ELP4: variants seen among roughly 807,000 people sequenced by gnomAD.
ELP4 encodes the protein elongator complex protein 4.
ELP4 carries 51 observed loss-of-function variants against 48.9 expected under a neutral mutation model. The ratio of observed to expected loss-of-function variants is 1.04; its 90% CI spans 0.83 to 1.32. The LOEUF is 1.32. Ranked by LOEUF, ELP4 falls within the 40% of genes most tolerant of loss-of-function variation. ELP4 has a pLI of 0.00. For synonymous variants in ELP4, 210 were observed against 189.2 expected (o/e 1.11, Z -0.90); for missense variants, 519 against 514.6 (o/e 1.01, Z -0.08).
intron 9 of ELP4, among the ~76,000 whole-genome samples, chr11:31,678,234 G>T (rs1014622382): frequency 6.6e-6 from 1 of 152,004 alleles, no homozygotes; most frequent in African/African-American, 2.4e-5. Flanking sequence ...ATTGATTGAG[G>T]CCAGGAGTTT....
chr11:31,754,895 T>C (rs1222468716), intron 9 of ELP4, among the ~76,000 whole-genome samples: 2 of 152,062 alleles, frequency 1.3e-5, no homozygotes, highest in East Asian at 3.9e-4. Context: ...CTCCCTGGCC[T>C]AAAGCAATGA....
intron 3 of ELP4, among the ~76,000 whole-genome samples, chr11:31,590,551 A>G (rs894878927): frequency 6.6e-5 from 10 of 152,174 alleles, no homozygotes; most frequent in African/African-American, 2.4e-4. Context: ...AAAAGAAAGA[A>G]ACAGATAAGT....
At chr11:31,550,096 C>T (rs914813334) in intron 3 of ELP4, among the ~76,000 whole-genome samples, 8 of 150,956 alleles carry the variant, frequency 5.3e-5, no homozygotes, top group Non-Finnish European at 7.4e-5. Flanking sequence ...GTAACCTGCA[C>T]ATTGTGCACA....
intron 3 of ELP4, among the ~76,000 whole-genome samples, chr11:31,574,444 C>T (rs915576411): frequency 6.6e-6 from 1 of 152,154 alleles, no homozygotes; most frequent in Admixed American, 6.5e-5. Context: ...AGTCGTTCTC[C>T]CAGCATAGAG....
At chr11:31,539,189 G>A (rs1312597270) in intron 2 of ELP4, among the ~76,000 whole-genome samples, 1 of 152,186 alleles carries the variant, frequency 6.6e-6, no homozygotes, top group Non-Finnish European at 1.5e-5. Context: ...TTCTGGCCGG[G>A]CGCGGTGGCT....
In ELP4 at chr11:31,578,809, A is replaced by C. The variant is rs534537746; in HGVS notation, c.382-15961A>C. ...TAATTCAAGATGGATTAAAGACTTA[A>C]ATGTTAGACCTAAAACCATTAAAAC... On this transcript the variant is annotated intron_variant, in intron 3 of 9. Coordinates refer to ENST00000640961, the MANE Select transcript of ELP4 (RefSeq NM_019040.5). Among the ~76,000 whole-genome samples the C allele has an allele frequency of 3.8e-3, 580 of 152,338 alleles. 3 individuals are homozygous for C. Among genetic ancestry groups the C allele is most frequent in the African/African-American group, 0.013 (549 of 41,582 alleles).
intron 3 of ELP4, among the ~76,000 whole-genome samples, chr11:31,572,061 A>G (rs1592127977): frequency 6.6e-6 from 1 of 152,204 alleles, no homozygotes. Context: ...CTAGGCATTG[A>G]CTTCTCTCTA....
intron 1 of ELP4, among the ~76,000 whole-genome samples, chr11:31,516,082 C>T (rs1001707169): frequency 1.5e-4 from 23 of 152,136 alleles, no homozygotes; most frequent in Non-Finnish European, 3.4e-4. Context: ...CACTGCACTC[C>T]AGCCTGGAGG....
Position 31,623,390 on chromosome 11 carries a change from T to TAAAA in ELP4, c.654-3719_654-3716dup, listed in dbSNP as rs1554965429. On this transcript the variant is annotated intron_variant, in intron 5 of 9. Transcript: ENST00000640961. ...ATATATATATATATATATATATATA[T>TAAAA]AAAACTAGAAACATTGCTGGCAAAG... is the stretch of plus-strand genomic sequence containing the variant. 3.7e-4 allele frequency among the ~76,000 whole-genome samples: 34 copies of TAAAA among 92,582 alleles called. 2 individuals carry two copies. Among genetic ancestry groups the TAAAA allele is most frequent in the African/African-American group, 1.1e-3 (32 of 27,944 alleles). 60.7% of individuals were successfully genotyped at this position (92,582 alleles called of 152,430 possible).
At chr11:31,770,350 G>C (rs940319670) in intron 9 of ELP4, among the ~76,000 whole-genome samples, 7 of 152,088 alleles carry the variant, frequency 4.6e-5, no homozygotes, top group African/African-American at 1.4e-4. Flanking sequence ...AGGATCACAG[G>C]AATAGTGACC....
At chr11:31,629,926 A>G (rs1263337207) in intron 6 of ELP4, among the ~76,000 whole-genome samples, 1 of 152,110 alleles carries the variant, frequency 6.6e-6, no homozygotes, top group African/African-American at 2.4e-5. Flanking sequence ...AATAATAAAG[A>G]AAAAAGAATA....
intron 9 of ELP4, among the ~76,000 whole-genome samples, chr11:31,732,813 CAAAG>C (rs1485990543): frequency 6.6e-6 from 1 of 151,916 alleles, no homozygotes; most frequent in African/African-American, 2.4e-5. Context: ...ACACAAGAGA[CAAAG>C]AAGGACATTA....
At chr11:31,599,977 AGT>A (rs1957749813) in intron 4 of ELP4, 1 of 152,184 alleles carries the variant, frequency 6.6e-6, no homozygotes, top group African/African-American at 2.4e-5. Flanking sequence ...GACAAAATGC[AGT>A]TAACATAATT....
intron 3 of ELP4, among the ~76,000 whole-genome samples, chr11:31,594,547 TC>T (rs1413675403): frequency 6.6e-6 from 1 of 152,134 alleles, no homozygotes; most frequent in Non-Finnish European, 1.5e-5. Context: ...TTGGATATTT[TC>T]TTTAAATTCC....
intron 5 of ELP4, among the ~76,000 whole-genome samples, chr11:31,611,882 A>G (rs1228950758): frequency 2.0e-5 from 3 of 152,230 alleles, no homozygotes. Context: ...CAGTGGGTAT[A>G]CCTTGAGTTG....
chr11:31,591,790 C>G (rs11820739), intron 3 of ELP4, among the ~76,000 whole-genome samples: 1 of 151,788 alleles, frequency 6.6e-6, no homozygotes, highest in Non-Finnish European at 1.5e-5. Context: ...CATGTTCACA[C>G]AAAAGTTTGT....
At chr11:31,740,272 T>A (rs1260558467) in intron 9 of ELP4, among the ~76,000 whole-genome samples, 3 of 152,242 alleles carry the variant, frequency 2.0e-5, no homozygotes, top group Non-Finnish European at 4.4e-5. Context: ...ATTCAACTGC[T>A]GGCACATTTT....
chr11:31,747,722 G>C (rs1237700357), intron 9 of ELP4, among the ~76,000 whole-genome samples: 1 of 152,210 alleles, frequency 6.6e-6, no homozygotes, highest in African/African-American at 2.4e-5. Context: ...AGCAGCAGTG[G>C]TTTTAAATAT....
chr11:31,758,670 CT>C (rs35783140), intron 9 of ELP4, among the ~76,000 whole-genome samples: 2,111 of 140,622 alleles, frequency 0.015, 19 homozygotes, highest in Non-Finnish European at 0.022. Flanking sequence ...GAGGGTGGAA[CT>C]TTTTTTTTTT....
Sources: gnomAD v4.1 joint callset for allele counts (sites outside exome capture counted in the v4.1 genomes callset) on GRCh38, gnomAD v4.1.1 for gene constraint, MANE v1.5 for transcripts, NCBI Gene and HGNC (gene_info 2026-07-23, HGNC 2026-07-21) for gene names.